Variants in THOP1 observed in about 807,000 individuals in gnomAD.
The protein encoded by THOP1 is thimet oligopeptidase 1, also known as thimet oligopeptidase.
Under a neutral mutation model 71.8 loss-of-function variants are expected in THOP1, and 49 were observed. The observed-to-expected ratio is 0.68, with a 90% CI of 0.54 to 0.87. The LOEUF (loss-of-function observed/expected upper bound fraction) is 0.87. THOP1 is among the 40% of genes least tolerant of loss of function. The pLI, the probability that THOP1 is intolerant of heterozygous loss-of-function variation, is 0.00. For synonymous variants in THOP1, 426 were observed against 421.5 expected (o/e 1.01, Z -0.13); for missense variants, 843 against 975.6 (o/e 0.86, Z 1.81).
intron 10 of THOP1, 48 bp from the exon 11 acceptor site, chr19:2,810,592 G>A (rs1205312556): frequency 5.2e-6 from 8 of 1,534,744 alleles, no homozygotes; most frequent in Non-Finnish European, 7.0e-6. Context: ...TGGGCAGAGT[G>A]GGCCGGGGCA....
chr19:2,809,357 C>T (rs1244772752), intron 9 of THOP1, among the ~76,000 whole-genome samples: 2 of 152,204 alleles, frequency 1.3e-5, no homozygotes, highest in Non-Finnish European at 2.9e-5. Flanking sequence ...CTGCACAACG[C>T]TTGGGGCCTT....
chr19:2,791,528 A>G (rs1915879043), intron 2 of THOP1, among the ~76,000 whole-genome samples: 1 of 152,194 alleles, frequency 6.6e-6, no homozygotes, highest in African/African-American at 2.4e-5. Context: ...CCAAGCCTGC[A>G]GGTCCCGCAG....
rs780912516 is a variant in THOP1 at position 2,790,513 on chromosome 19, A to G, written c.109A>G (p.Thr37Ala). The change falls in exon 2 of 13, where the codon ACC becomes GCC. Residue 37 changes from threonine (T) to alanine (A), a missense_variant. Coordinates refer to ENST00000307741, the MANE Select transcript of THOP1 (RefSeq NM_003249.5). ...DLSAQQIEERTRELIEQTKRV... is the reference protein window; with the variant it reads ...DLSAQQIEERARELIEQTKRV... ...GAGTGCCCAGCAGATAGAGGAGCGC[A>G]CCAGGGAGCTCATCGAGCAGACCAA... is the stretch of plus-strand genomic sequence containing the variant. 6.2e-7 allele frequency: 1 copy of G among 1,608,010 alleles called. No homozygotes were observed. The highest frequency in any genetic ancestry group is 1.1e-5 in the South Asian group (1 of 90,368).
chr19:2,796,269 C>T lies in THOP1; in HGVS notation c.486+81C>T, dbSNP rs142593608. On this transcript the variant is annotated intron_variant, in intron 4 of 12. Coordinates refer to ENST00000307741, the MANE Select transcript of THOP1 (RefSeq NM_003249.5). ...GCTGGGCACAGGGAGTGCTCAGTCC[C>T]AGGGAGTGGTGGGAGCAAGAAGCGC... The T allele has an allele frequency of 7.1e-5, 83 of 1,170,564 alleles. No homozygotes were observed. The African/African-American group carries it at 1.3e-3, about 18-fold the overall frequency. 72.5% of individuals were successfully genotyped at this position (1,170,564 alleles called of 1,614,324 possible).
At chr19:2,808,533 C>A in intron 9 of THOP1, 89 bp downstream of exon 9, 5 of 1,390,454 alleles carry the variant, frequency 3.6e-6, no homozygotes, top group Non-Finnish European at 3.8e-6. Context: ...GCTTCGGCTT[C>A]CGGCTCTCTC....
intron 5 of THOP1, among the ~76,000 whole-genome samples, chr19:2,802,786 G>T (rs758622004): frequency 6.6e-6 from 1 of 152,218 alleles, no homozygotes; most frequent in Non-Finnish European, 1.5e-5. Context: ...CCGTGACTCC[G>T]AACCTTCCCT....
At chr19:2,787,162 G>T (rs1231657126) in intron 1 of THOP1, 1 of 152,234 alleles carries the variant, frequency 6.6e-6, no homozygotes, top group African/African-American at 2.4e-5. Flanking sequence ...ACCTCCGAAA[G>T]TGCTGGGATT....
Position 2,804,757 on chromosome 19 carries a change from G to A in THOP1, c.590-259G>A, listed in dbSNP as rs1470041323. The A allele has an allele frequency of 1.9e-5, 8 of 432,066 alleles. No individual in the cohort carries two copies. In the East Asian group the frequency reaches 3.4e-4, roughly 18 times the overall value. The allele number at this position is 432,066 out of a possible 1,614,324, so 26.8% of individuals were successfully genotyped here. A position where few individuals can be genotyped will look rare whatever the true frequency, so the allele number is the denominator to read the frequency against. On this transcript the variant is annotated intron_variant, in intron 5 of 12. Transcript: ENST00000307741. The surrounding 1 kb of genome is among the most constrained non-coding windows in gnomAD (Gnocchi z 4.7). ...GATCCTGCTCTGAGGATGCTGGGGG[G>A]TTTCCTGGTGGGGTTAGAGGCGGGA...
chr19:2,790,532 A>G lies in THOP1; in HGVS notation c.128A>G (p.Gln43Arg). ...IEERTRELIEQTKRVYDQVGT... is the reference protein window; with the variant it reads ...IEERTRELIERTKRVYDQVGT... Reference sequence around the variant, plus strand: ...GAGCGCACCAGGGAGCTCATCGAGCAGACCAAGCGCGTGTATGACCAGGTT... The same window carrying G: ...GAGCGCACCAGGGAGCTCATCGAGCGGACCAAGCGCGTGTATGACCAGGTT... Residue 43 changes from glutamine (Q) to arginine (R), a missense_variant, in exon 2 of 13, where the codon CAG (glutamine) becomes CGG (arginine). Transcript: ENST00000307741. 6.2e-7 allele frequency: 1 copy of G among 1,607,858 alleles called. No individual in the cohort carries two copies. The highest frequency in any genetic ancestry group is 1.1e-5 in the South Asian group (1 of 90,300).
At chr19:2,810,012 C>T (rs534494392) in intron 9 of THOP1, 5 of 482,710 alleles carry the variant, frequency 1.0e-5, no homozygotes, top group African/African-American at 5.9e-5. Flanking sequence ...CCTCGGGGTG[C>T]GGAGCTTTCA....
chr19:2,792,380 G>A (rs1435042685), intron 2 of THOP1, among the ~76,000 whole-genome samples: 2 of 151,614 alleles, frequency 1.3e-5, no homozygotes, highest in Non-Finnish European at 2.9e-5. Flanking sequence ...GCCCAGGCTG[G>A]TCTAGAACTC....
At chr19:2,812,041 GCCCCTCA>G (rs1599534604) in intron 12 of THOP1, 12 of 1,080,148 alleles carry the variant, frequency 1.1e-5, no homozygotes, top group Non-Finnish European at 1.5e-5. Context: ...CTCCACACTG[GCCCCTCA>G]GGCCTCGGGC....
chr19:2,796,218 G>T (rs559551026), intron 4 of THOP1, 30 bp downstream of exon 4: 1 of 1,551,034 alleles, frequency 6.4e-7, no homozygotes, highest in South Asian at 1.1e-5. Flanking sequence ...AGTGCTGGGC[G>T]TGGGCAATGG....
In THOP1 at chr19:2,811,892, G is replaced by A. The variant is rs1368128031; in HGVS notation, c.1908+158G>A. On this transcript the variant is annotated intron_variant, in intron 12 of 12. Transcript: ENST00000307741. ...CGCGGGGACTGGGGACAGGGAGGGC[G>A]TCCTCAACAGCAGGGTGGGGCCGAG... The A allele has an allele frequency of 1.0e-5, 14 of 1,348,016 alleles. 1 individual carries two copies. Among genetic ancestry groups the A allele is most frequent in the Non-Finnish European group, 1.4e-5 (14 of 1,005,714 alleles). 83.5% of individuals were successfully genotyped at this position (1,348,016 alleles called of 1,614,324 possible).
intron 4 of THOP1, among the ~76,000 whole-genome samples, chr19:2,798,342 C>A (rs1247108244): frequency 6.6e-6 from 1 of 152,174 alleles, no homozygotes; most frequent in Non-Finnish European, 1.5e-5. Flanking sequence ...ATTTTTAAAA[C>A]CCCTTCGGCT....
In THOP1 at chr19:2,808,572, A is replaced by G. The variant is rs115505966; in HGVS notation, c.1455+128A>G. On this transcript the variant is annotated intron_variant, in intron 9 of 12. Coordinates refer to ENST00000307741, the MANE Select transcript of THOP1 (RefSeq NM_003249.5). ...ACCCGTCCGGTGGCTCCTTCATCCA[A>G]TGCCACCCAAAGATGGTGACTCCCT... The G allele has an allele frequency of 3.5e-3, 3,729 of 1,070,962 alleles. 81 individuals carry two copies. In the African/African-American group the frequency reaches 0.052, roughly 15 times the overall value. The allele number at this position is 1,070,962 out of a possible 1,614,324, so 66.3% of individuals were successfully genotyped here.
chr19:2,785,541 C>A lies in THOP1; in HGVS notation c.-122C>A. 8.1e-7 allele frequency: 1 copy of A among 1,236,336 alleles called. No individual in the cohort carries two copies. The allele number at this position is 1,236,336 out of a possible 1,614,324, so 76.6% of individuals were successfully genotyped here. ...AGCGCGGGCGGCGGGCCCCTTGGTC[C>A]TCAGGCGGCCGTGGCGGCGGTGGCG... On this transcript the variant is annotated 5_prime_UTR_variant, in exon 1 of 13. Coordinates refer to ENST00000307741, the MANE Select transcript of THOP1 (RefSeq NM_003249.5).
At chr19:2,806,620 C>T in intron 6 of THOP1, 2 of 433,124 alleles carry the variant, frequency 4.6e-6, no homozygotes, top group African/African-American at 2.1e-5. Flanking sequence ...TGGAGGTGTC[C>T]CCACATGCAG....
chr19:2,810,355 G>A lies in THOP1; in HGVS notation c.1507G>A (p.Ala503Thr). 6.2e-7 allele frequency: 1 copy of A among 1,611,772 alleles called. No individual in the cohort carries two copies. Among genetic ancestry groups the A allele is most frequent in the Non-Finnish European group, 8.5e-7 (1 of 1,179,742 alleles). The change falls in exon 10 of 13, where the codon GCG (alanine) becomes ACG (threonine). Residue 503 changes from alanine to threonine, a missense_variant. Physicochemically the swap from Ala to Thr is moderately conservative, Grantham distance 58. Transcript: ENST00000307741. ...GTHVERDFVE[A>T]PSQMLENWVW... is the part of the protein sequence containing the mutation. ...CCACGTGGAGCGGGACTTTGTGGAG[G>A]CGCCGTCGCAGATGCTGGAGAACTG...
Sources: allele counts gnomAD v4.1 joint callset (sites outside exome capture counted in the v4.1 genomes callset), GRCh38; gene constraint gnomAD v4.1.1; non-coding constraint Gnocchi (gnomAD v3.1); transcripts MANE v1.5; gene names NCBI Gene and HGNC (gene_info 2026-07-23, HGNC 2026-07-21).